The following WDR37 variants were observed in gnomAD, a reference collection of about 807,000 sequenced individuals.
The protein encoded by WDR37 is WD repeat-containing protein 37.
A neutral mutation model predicts 62.9 loss-of-function variants in WDR37; 19 were observed. The observed-to-expected ratio is 0.30, with a 90% CI of 0.21 to 0.44. WDR37 has a LOEUF of 0.44. Among genes scored for constraint, WDR37 ranks in the 20% least tolerant of loss-of-function variants. WDR37 has a pLI of 1.00. For missense variants in WDR37, 474 were observed against 657.6 expected, an observed-to-expected ratio of 0.72 and a Z score of 3.05; for synonymous variants, 250 against 260.9, an observed-to-expected ratio of 0.96 and a Z score of 0.40.
intron 1 of WDR37, among the ~76,000 whole-genome samples, chr10:1,062,279 C>A (rs113913136): frequency 2.6e-5 from 4 of 152,124 alleles, no homozygotes; most frequent in African/African-American, 7.2e-5. Flanking sequence ...AGAAAGCAAG[C>A]TAAACCAAAG....
At chr10:1,126,840 T>C (rs1835803589) in intron 13 of WDR37, among the ~76,000 whole-genome samples, 2 of 152,254 alleles carry the variant, frequency 1.3e-5, no homozygotes, top group Non-Finnish European at 2.9e-5. Flanking sequence ...GTCCCCTTCC[T>C]GGCATGAGAG....
At chr10:1,072,593 C>G (rs952076008) in intron 2 of WDR37, among the ~76,000 whole-genome samples, 6 of 152,110 alleles carry the variant, frequency 3.9e-5, no homozygotes, top group African/African-American at 1.2e-4. Flanking sequence ...GGATTACAGG[C>G]GTGAGCCACC....
chr10:1,131,711 T>TGTGTGC lies in WDR37; in HGVS notation c.*2368_*2369insTGTGCG, dbSNP rs1491415421. On this transcript the variant is annotated 3_prime_UTR_variant, in exon 14 of 14. Coordinates refer to ENST00000263150, the MANE Select transcript of WDR37 (RefSeq NM_014023.4). ...GTGTGTGTGTGTGTGTGTGTGTGTG[T>TGTGTGC]GCACGTGTGTGTGGCTAAATTAAGT... The TGTGTGC allele has an allele frequency of 6.7e-5, 10 of 148,676 alleles. No homozygotes were observed. The highest frequency in any genetic ancestry group is 1.5e-4 in the African/African-American group (6 of 40,292). 9.2% of individuals were successfully genotyped at this position (148,676 alleles called of 1,614,324 possible).
intron 8 of WDR37, among the ~76,000 whole-genome samples, chr10:1,094,894 A>G (rs1280256310): frequency 6.6e-6 from 1 of 152,114 alleles, no homozygotes; most frequent in Non-Finnish European, 1.5e-5. Flanking sequence ...ACACTGGGAA[A>G]CATGAGGTAA....
chr10:1,124,092 A>G, intron 11 of WDR37, 126 bp from the exon 12 acceptor site: 1 of 1,300,006 alleles, frequency 7.7e-7, no homozygotes, highest in Non-Finnish European at 1.1e-6. Flanking sequence ...CAGTTTGCAG[A>G]GGAGAGAGCT....
chr10:1,059,787 ACT>A (rs1833314859), intron 1 of WDR37, among the ~76,000 whole-genome samples: 1 of 152,064 alleles, frequency 6.6e-6, no homozygotes, highest in Non-Finnish European at 1.5e-5. Context: ...ACAGAGCGAG[ACT>A]CTGTCTCAAA....
chr10:1,096,436 G>T (rs1472451643), intron 9 of WDR37, 190 bp downstream of exon 9: 3 of 620,906 alleles, frequency 4.8e-6, no homozygotes, highest in East Asian at 2.8e-5. Flanking sequence ...GTGAGGTTGC[G>T]TGAGGTCCTC....
intron 5 of WDR37, among the ~76,000 whole-genome samples, chr10:1,083,911 C>T (rs1473691018): frequency 2.6e-5 from 4 of 152,216 alleles, no homozygotes; most frequent in Non-Finnish European, 5.9e-5. Flanking sequence ...TTTTTTTACA[C>T]TTGATGATAC....
At chr10:1,097,494 C>T (rs543906182) in intron 9 of WDR37, among the ~76,000 whole-genome samples, 3 of 152,190 alleles carry the variant, frequency 2.0e-5, no homozygotes, top group Non-Finnish European at 2.9e-5. Flanking sequence ...AAGAATGCCC[C>T]GAAGGTGATT....
At chr10:1,091,346 T>G (rs936129422) in intron 7 of WDR37, among the ~76,000 whole-genome samples, 5 of 152,250 alleles carry the variant, frequency 3.3e-5, no homozygotes, top group African/African-American at 1.2e-4. Flanking sequence ...CGTTTGGTTT[T>G]AGCTCCATTG....
chr10:1,069,370 A>AATATATATATATATATATATATAT (rs1351085134), intron 1 of WDR37, among the ~76,000 whole-genome samples: 14 of 81,398 alleles, frequency 1.7e-4, no homozygotes, highest in East Asian at 4.3e-4. Flanking sequence ...AATTGGAAAG[A>AATATATATATATATATATATATAT]ATATATATAT....
intron 9 of WDR37, among the ~76,000 whole-genome samples, chr10:1,097,912 G>C (rs1031790727): frequency 3.9e-5 from 6 of 152,172 alleles, no homozygotes; most frequent in Non-Finnish European, 7.3e-5. Context: ...TCAGCTTCAG[G>C]GTGGGCGAAT....
intron 11 of WDR37, among the ~76,000 whole-genome samples, chr10:1,111,052 T>TA (rs371142284): frequency 2.1e-4 from 32 of 152,380 alleles, no homozygotes; most frequent in African/African-American, 7.5e-4. Context: ...GCTGGAAAGT[T>TA]ATATGCATGG....
chr10:1,089,078 T>C (rs1834296412), intron 7 of WDR37, among the ~76,000 whole-genome samples: 1 of 152,140 alleles, frequency 6.6e-6, no homozygotes. Flanking sequence ...CTAAGGGAGT[T>C]GTCCTTCAAG....
chr10:1,072,769 A>G (rs1050801926), intron 2 of WDR37, among the ~76,000 whole-genome samples: 2 of 152,226 alleles, frequency 1.3e-5, no homozygotes, highest in African/African-American at 2.4e-5. Context: ...TAAAACTTCT[A>G]TCAAATACAA....
chr10:1,108,739 GCCC>G (rs3055726), intron 11 of WDR37, among the ~76,000 whole-genome samples: 4 of 111,870 alleles, frequency 3.6e-5, no homozygotes, highest in African/African-American at 1.2e-4. Flanking sequence ...CTTCTGTGAT[GCCC>G]CCCCCCCCCG....
At chr10:1,109,778 A>C (rs913275088) in intron 11 of WDR37, among the ~76,000 whole-genome samples, 45 of 152,220 alleles carry the variant, frequency 3.0e-4, no homozygotes, top group African/African-American at 1.0e-3. Flanking sequence ...TACATGAAAC[A>C]ATGGTAGTTT....
At chr10:1,108,827 T>G (rs1288778758) in intron 11 of WDR37, among the ~76,000 whole-genome samples, 1 of 149,666 alleles carries the variant, frequency 6.7e-6, no homozygotes, top group Non-Finnish European at 1.5e-5. Flanking sequence ...CCAGCAGCTC[T>G]CACTGCATTG....
intron 1 of WDR37, among the ~76,000 whole-genome samples, chr10:1,059,625 C>T (rs544250114): frequency 2.6e-5 from 4 of 151,798 alleles, no homozygotes; most frequent in Non-Finnish European, 5.9e-5. Context: ...GGTGAAACCC[C>T]GTATCTACTG....
Sources: gnomAD v4.1 joint callset for allele counts (sites outside exome capture counted in the v4.1 genomes callset) on GRCh38, gnomAD v4.1.1 for gene constraint, MANE v1.5 for transcripts, NCBI Gene and HGNC (gene_info 2026-07-23, HGNC 2026-07-21) for gene names.